NPAS3: variants seen among roughly 807,000 people sequenced by gnomAD.
NPAS3 encodes the protein neuronal PAS domain protein 3.
In NPAS3, 14 loss-of-function variants were observed where a neutral mutation model predicts 73.1. That is an observed-to-expected ratio of 0.19 (90% CI 0.13 to 0.30). NPAS3 has a LOEUF of 0.30. NPAS3 is among the 10% of genes least tolerant of loss of function. NPAS3 has a pLI of 1.00. For missense variants in NPAS3, 1,096 were observed against 1,250.0 expected (o/e 0.88, Z 1.86); for synonymous variants, 620 against 541.5 (o/e 1.14, Z -2.01).
At chr14:33,643,094 C>G (rs1487998689) in intron 5 of NPAS3, among the ~76,000 whole-genome samples, 2 of 152,096 alleles carry the variant, frequency 1.3e-5, no homozygotes, top group African/African-American at 4.8e-5. Flanking sequence ...TCAGCTCTCA[C>G]TTTTCAATGC....
chr14:33,329,382 T>A (rs764321192), intron 3 of NPAS3, among the ~76,000 whole-genome samples: 2 of 152,118 alleles, frequency 1.3e-5, no homozygotes, highest in African/African-American at 2.4e-5. Context: ...GTGATGGAGG[T>A]AACCTACTAG....
At chr14:33,496,922 A>C (rs1161509701) in intron 4 of NPAS3, among the ~76,000 whole-genome samples, 1 of 152,182 alleles carries the variant, frequency 6.6e-6, no homozygotes, top group South Asian at 2.1e-4. Flanking sequence ...CTGTTTACAG[A>C]TGACATGATT....
Position 33,710,097 on chromosome 14 carries a change from A to C in NPAS3, c.734-25117A>C, listed in dbSNP as rs1265086170. Among the ~76,000 whole-genome samples, 3 of 152,226 alleles carry C rather than the reference A, an allele frequency of 2.0e-5. No homozygotes were observed. In the East Asian group the frequency reaches 5.8e-4, roughly 29 times the overall value. On this transcript the variant is annotated intron_variant, in intron 6 of 11. Transcript: ENST00000356141. ...CTCATCTTATGTTAGTGATTTTCAT[A>C]TTACATTAGCAAATTTAATCTCTGC...
chr14:33,183,691 T>G (rs1293619412), intron 2 of NPAS3, among the ~76,000 whole-genome samples: 1 of 151,986 alleles, frequency 6.6e-6, no homozygotes, highest in Non-Finnish European at 1.5e-5. Flanking sequence ...GAATTCAGAG[T>G]GACCTTCTAA....
At chr14:33,179,821 C>CT (rs2045726712) in intron 2 of NPAS3, among the ~76,000 whole-genome samples, 1 of 152,106 alleles carries the variant, frequency 6.6e-6, no homozygotes, top group Non-Finnish European at 1.5e-5. Flanking sequence ...TGAAGAAAAT[C>CT]TTTTAAATTC....
chr14:33,650,593 ACCTCTGATCTTCCCCT>A (rs2140229199), intron 5 of NPAS3, among the ~76,000 whole-genome samples: 1 of 152,186 alleles, frequency 6.6e-6, no homozygotes, highest in South Asian at 2.1e-4. Flanking sequence ...TCATCCCTTC[ACCTCTGATCTTCCCCT>A]CCTCTGAGCA....
intron 4 of NPAS3, among the ~76,000 whole-genome samples, chr14:33,444,107 A>AT (rs1268243568): frequency 6.6e-6 from 1 of 152,202 alleles, no homozygotes; most frequent in Non-Finnish European, 1.5e-5. Context: ...CTTGAGAGAC[A>AT]TTCGATTTAG....
chr14:33,029,800 G>A (rs2039928581), intron 1 of NPAS3, among the ~76,000 whole-genome samples: 1 of 152,122 alleles, frequency 6.6e-6, no homozygotes, highest in South Asian at 2.1e-4. Flanking sequence ...GAAGAACTGA[G>A]TGCTGCCCAT....
chr14:33,409,992 C>T (rs151195085), intron 4 of NPAS3, among the ~76,000 whole-genome samples: 223 of 152,254 alleles, frequency 1.5e-3, no homozygotes, highest in African/African-American at 5.2e-3. Flanking sequence ...GATTGAAATA[C>T]TCTTCTGCCC....
At chr14:33,202,811 T>G (rs942476471) in intron 2 of NPAS3, among the ~76,000 whole-genome samples, 1 of 152,166 alleles carries the variant, frequency 6.6e-6, no homozygotes, top group African/African-American at 2.4e-5. Flanking sequence ...TAGTCTGCAT[T>G]ATTTCAAAGT....
intron 1 of NPAS3, among the ~76,000 whole-genome samples, chr14:33,008,007 TAAAG>T (rs1423033666): frequency 1.3e-5 from 2 of 152,130 alleles, no homozygotes; most frequent in Non-Finnish European, 2.9e-5. Context: ...TTATTCCAGT[TAAAG>T]AAGAAAGAAA....
intron 1 of NPAS3, among the ~76,000 whole-genome samples, chr14:33,049,880 T>A (rs8006395): frequency 6.6e-6 from 1 of 152,068 alleles, no homozygotes; most frequent in Admixed American, 6.6e-5. Flanking sequence ...ATTACTTCCC[T>A]TTTGTCTGAT....
chr14:33,022,800 A>G (rs2138275958), intron 1 of NPAS3, among the ~76,000 whole-genome samples: 1 of 152,204 alleles, frequency 6.6e-6, no homozygotes, highest in South Asian at 2.1e-4. Flanking sequence ...GATAAATAAT[A>G]TATTTTACTA....
intron 6 of NPAS3, among the ~76,000 whole-genome samples, chr14:33,684,745 C>T (rs1566422286): frequency 6.6e-6 from 1 of 152,204 alleles, no homozygotes; most frequent in African/African-American, 2.4e-5. Context: ...GCCAACATCA[C>T]CCGTGTACAC....
chr14:33,771,810 CAAA>C (rs564918528), intron 7 of NPAS3, among the ~76,000 whole-genome samples: 1 of 139,894 alleles, frequency 7.1e-6, no homozygotes, highest in Admixed American at 7.1e-5. Flanking sequence ...GACTCCATCT[CAAA>C]AAAAAAAAAA....
In NPAS3 at chr14:33,800,347, C is replaced by G; in HGVS notation, c.2040C>G (p.Tyr680Ter). 6.2e-7 allele frequency: 1 copy of G among 1,612,902 alleles called. No individual in the cohort carries two copies. The highest frequency in any genetic ancestry group is 8.5e-7 in the Non-Finnish European group (1 of 1,179,476). The change falls in exon 12 of 12, where the codon TAC (tyrosine) becomes TAG (stop). Residue 680 changes from tyrosine (Y) to a stop codon, truncating the protein, a stop_gained. Coordinates refer to ENST00000356141, the Ensembl canonical transcript of NPAS3. LOFTEE classifies it high-confidence loss of function. The surrounding 1 kb of genome is among the most constrained non-coding windows in gnomAD (Gnocchi z 6.5). ...AGATCTCCAGGAACGAGTCCCCCTA[C>G]AGCATGACCAAGCCCCCCAGCTCTG...
At chr14:33,095,999 G>T (rs1158245712) in intron 2 of NPAS3, among the ~76,000 whole-genome samples, 7 of 150,826 alleles carry the variant, frequency 4.6e-5, no homozygotes, top group East Asian at 1.9e-4. Flanking sequence ...TCTGTTTTTT[G>T]TGTGAAGGTG....
At chr14:33,561,912 T>A (rs1032831303) in intron 5 of NPAS3, among the ~76,000 whole-genome samples, 1 of 152,238 alleles carries the variant, frequency 6.6e-6, no homozygotes, top group Non-Finnish European at 1.5e-5. Flanking sequence ...GCAACTGCAT[T>A]TTCTGTAATT....
intron 3 of NPAS3, among the ~76,000 whole-genome samples, chr14:33,216,769 C>G (rs2047238844): frequency 6.6e-6 from 1 of 152,120 alleles, no homozygotes; most frequent in Admixed American, 6.6e-5. Context: ...AGTTTGAAGA[C>G]CACTGCTCTA....
Sources: gnomAD v4.1 joint callset for allele counts (sites outside exome capture counted in the v4.1 genomes callset) on GRCh38, gnomAD v4.1.1 for gene constraint, Gnocchi (gnomAD v3.1) non-coding constraint, MANE v1.5 for transcripts, NCBI Gene and HGNC (gene_info 2026-07-23, HGNC 2026-07-21) for gene names.